Variants in FLNB observed in about 807,000 individuals in gnomAD.
FLNB encodes the protein filamin B.
In FLNB, 111 loss-of-function variants were observed where a neutral mutation model predicts 250.6. That is an observed-to-expected ratio of 0.44 (90% CI 0.38 to 0.52). The LOEUF (loss-of-function observed/expected upper bound fraction) is 0.52, where lower values mean the gene tolerates loss of function less well. FLNB is among the 20% of genes least tolerant of loss of function. FLNB has a pLI of 0.00. For synonymous variants in FLNB, 1,302 were observed against 1,372.1 expected (o/e 0.95, Z 1.13); for missense variants, 2,869 against 3,447.8 (o/e 0.83, Z 4.20).
rs201576957 is a variant in FLNB at position 58,105,095 on chromosome 3, A to T, written c.1626A>T (p.Gln542His). 10 of 1,614,186 alleles carry T rather than the reference A, an allele frequency of 6.2e-6. No individual in the cohort carries two copies. Reference protein sequence around the residue: ...HHIPKSPFEVQVGPEAGMQKV... With the variant: ...HHIPKSPFEVHVGPEAGMQKV... ...TTCCCTGTAGCCCCTTTGAAGTTCA[A>T]GTTGGCCCTGAAGCGGGTATGCAGA... Residue 542 changes from glutamine (Q) to histidine (H), a missense_variant, in exon 11 of 46, where the codon CAA becomes CAT. Transcript: ENST00000295956.
chr3:58,159,645 C>T lies in FLNB; in HGVS notation c.6980C>T (p.Ser2327Phe). The part of the protein sequence containing the change: ...GKIDAKVHSP[S>F]GAVEECHVSE... ...ATTGATGCAAAGGTGCACAGCCCCTCTGGAGCCGTGGAGGAGTGCCACGTG... is the reference window on the plus strand; with the variant it reads ...ATTGATGCAAAGGTGCACAGCCCCTTTGGAGCCGTGGAGGAGTGCCACGTG... Residue 2327 changes from serine (S) to phenylalanine (F), a missense_variant, in exon 42 of 46, where the codon TCT becomes TTT. Coordinates refer to ENST00000295956, the MANE Select transcript of FLNB (RefSeq NM_001457.4). The T allele has an allele frequency of 1.2e-6, 2 of 1,614,040 alleles. No individual in the cohort carries two copies. Among genetic ancestry groups the T allele is most frequent in the Non-Finnish European group, 1.7e-6 (2 of 1,180,022 alleles).
intron 24 of FLNB, among the ~76,000 whole-genome samples, chr3:58,129,188 A>G (rs1235537661): frequency 6.6e-6 from 1 of 152,078 alleles, no homozygotes; most frequent in Non-Finnish European, 1.5e-5. Context: ...TGGCATGTTG[A>G]TTTCCTGTGG....
chr3:58,126,543 A>G (rs2097298228), intron 23 of FLNB, 59 bp from the exon 24 acceptor site: 4 of 1,567,808 alleles, frequency 2.6e-6, no homozygotes, highest in Middle Eastern at 2.1e-4. Context: ...AATTTTGGCA[A>G]TAAGCAGACC....
chr3:58,036,517 C>T (rs934435295), intron 1 of FLNB, among the ~76,000 whole-genome samples: 8 of 152,120 alleles, frequency 5.3e-5, no homozygotes, highest in African/African-American at 1.2e-4. Flanking sequence ...GCCAGATTAC[C>T]GCTCTGGGAG....
chr3:58,124,628 G>T, intron 22 of FLNB, 123 bp downstream of exon 22: 1 of 1,043,876 alleles, frequency 9.6e-7, no homozygotes, highest in Non-Finnish European at 1.4e-6. Context: ...CACGTGCAGA[G>T]TGACAGAGTG....
chr3:58,107,422 T>C (rs1174647490), intron 12 of FLNB, among the ~76,000 whole-genome samples: 3 of 152,212 alleles, frequency 2.0e-5, no homozygotes, highest in Non-Finnish European at 4.4e-5. Context: ...TGTCTTCCTC[T>C]ATAAGACAGG....
chr3:58,158,004 G>A (rs1262699748), intron 41 of FLNB, among the ~76,000 whole-genome samples: 1 of 150,874 alleles, frequency 6.6e-6, no homozygotes, highest in Admixed American at 6.6e-5. Flanking sequence ...AGATTTTGCG[G>A]AGGCCCACGC....
intron 39 of FLNB, 50 bp downstream of exon 39, chr3:58,153,691 A>G: frequency 6.2e-7 from 1 of 1,607,594 alleles, no homozygotes. Flanking sequence ...AGTTGAGCCC[A>G]GGCAGTGTGG....
chr3:58,078,779 A>C lies in FLNB; in HGVS notation c.604A>C (p.Met202Leu). ...GCCTGTGGATAATGCACGAGAAGCC[A>C]TGCAGCAGGCAGATGACTGGCTGGG... Reference protein sequence around the residue: ...QKPVDNAREAMQQADDWLGVP... With the variant: ...QKPVDNAREALQQADDWLGVP... The change falls in exon 3 of 46, where the codon ATG becomes CTG. Residue 202 changes from methionine to leucine, a missense_variant. Transcript: ENST00000295956. 6.2e-7 allele frequency: 1 copy of C among 1,613,884 alleles called. No individual in the cohort carries two copies. Among genetic ancestry groups the C allele is most frequent in the Non-Finnish European group, 8.5e-7 (1 of 1,179,934 alleles).
chr3:58,112,740 G>C (rs1240084978), intron 18 of FLNB, among the ~76,000 whole-genome samples: 1 of 152,178 alleles, frequency 6.6e-6, no homozygotes, highest in Non-Finnish European at 1.5e-5. Context: ...CACAGAAAAA[G>C]AGCTGCTACA....
Position 58,169,819 on chromosome 3 carries a change from TGGGGTG to T in FLNB, c.7621+30_7621+35del. 1.3e-6 allele frequency: 1 copy of T among 762,964 alleles called. No homozygotes were observed. The highest frequency in any genetic ancestry group is 2.2e-6 in the Non-Finnish European group (1 of 458,994). 47.3% of individuals were successfully genotyped at this position (762,964 alleles called of 1,614,324 possible). On this transcript the variant is annotated intron_variant, in intron 45 of 45. Coordinates refer to ENST00000295956, the MANE Select transcript of FLNB (RefSeq NM_001457.4). The surrounding 1 kb of genome is among the most constrained non-coding windows in gnomAD (Gnocchi z 4.8). ...GTAGGTGTCTGGGCCTTTTCAAGGG[TGGGGTG>T]GGGCAGGGGCAGGCTGGGCACCCTG...
At chr3:58,015,726 C>T (rs998224279) in intron 1 of FLNB, among the ~76,000 whole-genome samples, 6 of 152,054 alleles carry the variant, frequency 3.9e-5, no homozygotes, top group African/African-American at 1.2e-4. Context: ...TCTGCGTTTC[C>T]AGTCAGCTTC....
In FLNB at chr3:58,126,726, G is replaced by A. The variant is rs766688604; in HGVS notation, c.4186G>A (p.Asp1396Asn). The change falls in exon 24 of 46, where the codon GAT (aspartate) becomes AAT (asparagine). Residue 1396 changes from aspartate to asparagine, a missense_variant. Physicochemically the swap from Asp to Asn is conservative, Grantham distance 23 (BLOSUM62 1). Around this residue, in one of 5 missense-constraint regions of FLNB, gnomAD observed 1,348 missense variants for 1,466.7 expected, o/e 0.92. Transcript: ENST00000295956. ...CATTCCTTTCGCACCGGGGGATTAC[G>A]ATGTTAATATCACATATGGAGGAGC... is the stretch of plus-strand genomic sequence containing the variant. Reference protein sequence around the residue: ...EYIPFAPGDYDVNITYGGAHI... With the variant: ...EYIPFAPGDYNVNITYGGAHI... 24 of 1,613,820 alleles carry A rather than the reference G, an allele frequency of 1.5e-5. No individual in the cohort carries two copies. Among genetic ancestry groups the A allele is most frequent in the Admixed American group, 3.3e-5 (2 of 59,990 alleles).
At chr3:58,095,532 AG>A (rs1160874038) in intron 5 of FLNB, among the ~76,000 whole-genome samples, 4 of 152,188 alleles carry the variant, frequency 2.6e-5, no homozygotes, top group African/African-American at 7.2e-5. Context: ...CTGGGATTAC[AG>A]GTGTGAGCCA....
chr3:58,149,894 G>A lies in FLNB; in HGVS notation c.6136G>A (p.Asp2046Asn). The A allele has an allele frequency of 2.5e-6, 4 of 1,614,258 alleles. No individual in the cohort carries two copies. Among genetic ancestry groups the A allele is most frequent in the Non-Finnish European group, 3.4e-6 (4 of 1,180,042 alleles). ...SLAVEGPSKV[D>N]IQTEDLEDGT... is the part of the protein sequence containing the mutation. ...GGCGGTGGAAGGCCCCAGCAAAGTG[G>A]ACATCCAGACGGAGGACCTGGAAGA... is the stretch of plus-strand genomic sequence containing the variant. Residue 2046 changes from aspartate (D) to asparagine (N), a missense_variant, in exon 37 of 46, where the codon GAC (aspartate) becomes AAC (asparagine). Asp to Asn is a conservative substitution (Grantham distance 23, BLOSUM62 1). Around this residue, in one of 5 missense-constraint regions of FLNB, gnomAD observed 1,084 missense variants for 1,315.5 expected, o/e 0.82. Coordinates refer to ENST00000295956, the MANE Select transcript of FLNB (RefSeq NM_001457.4).
rs772512811 is a variant in FLNB, at chr3:58,163,336, C to A, written c.7198+6C>A. On this transcript the variant is annotated splice_donor_region_variant and intron_variant, in intron 43 of 45. Coordinates refer to ENST00000295956, the MANE Select transcript of FLNB (RefSeq NM_001457.4). ...ACTCGAAGGGGGCACCACAGGTAAC[C>A]CACTCTTCTGCTTCTTGAAGCCTTA... 6.2e-7 allele frequency: 1 copy of A among 1,613,776 alleles called. No individual in the cohort carries two copies. Among genetic ancestry groups the A allele is most frequent in the African/African-American group, 1.3e-5 (1 of 74,916 alleles).
At chr3:58,065,080 A>G (rs994142459) in intron 1 of FLNB, among the ~76,000 whole-genome samples, 2 of 152,102 alleles carry the variant, frequency 1.3e-5, no homozygotes, top group African/African-American at 4.8e-5. Flanking sequence ...AGGGTGTGGT[A>G]GAGGCCGAGT....
intron 4 of FLNB, among the ~76,000 whole-genome samples, chr3:58,088,196 TAC>T (rs1418030377): frequency 6.6e-6 from 1 of 151,806 alleles, no homozygotes; most frequent in African/African-American, 2.4e-5. Context: ...TATAGGCATC[TAC>T]CATCACACCT....
intron 3 of FLNB, among the ~76,000 whole-genome samples, chr3:58,080,342 C>A (rs2097207380): frequency 6.6e-6 from 1 of 152,148 alleles, no homozygotes; most frequent in Non-Finnish European, 1.5e-5. Flanking sequence ...AGCACCATTA[C>A]TGGAGGCAGG....
Sources: allele counts gnomAD v4.1 joint callset (sites outside exome capture counted in the v4.1 genomes callset), GRCh38; gene constraint gnomAD v4.1.1; regional missense constraint gnomAD v4.1.1; non-coding constraint Gnocchi (gnomAD v3.1); transcripts MANE v1.5; gene names NCBI Gene and HGNC (gene_info 2026-07-23, HGNC 2026-07-21).